Variants in EED observed in about 807,000 individuals in gnomAD.
EED encodes the protein polycomb protein EED.
A neutral mutation model predicts 61.0 loss-of-function variants in EED; 9 were observed. That is an observed-to-expected ratio of 0.15 (90% CI 0.09 to 0.26). EED has a LOEUF of 0.26. Ranked by LOEUF, EED falls within the 10% of genes least tolerant of loss-of-function variation. The pLI, the probability that EED is intolerant of heterozygous loss-of-function variation, is 1.00. For missense variants in EED, 315 were observed against 542.3 expected (o/e 0.58, Z 4.16); for synonymous variants, 187 against 174.4 (o/e 1.07, Z -0.57).
intron 4 of EED, 118 bp downstream of exon 4, chr11:86,255,405 C>G: frequency 2.5e-6 from 2 of 787,348 alleles, no homozygotes; most frequent in Non-Finnish European, 3.9e-6. Context: ...TAACCGATTT[C>G]TTCACTATCA....
chr11:86,256,352 A>G (rs999635570), intron 4 of EED, 35 bp from the exon 5 acceptor site: 4 of 1,486,734 alleles, frequency 2.7e-6, no homozygotes, highest in Non-Finnish European at 3.6e-6. Flanking sequence ...TTCTTTTTCA[A>G]AAACATTATG....
chr11:86,245,211 T>A lies in EED; in HGVS notation c.-19T>A. The A allele has an allele frequency of 6.2e-7, 1 of 1,604,182 alleles. No individual in the cohort carries two copies. ...GGCCCCGCCCCAGGCGGCAGGAACCTGGAGGGAGGCGGAGGAATATGTCCG... is the reference window on the plus strand; with the variant it reads ...GGCCCCGCCCCAGGCGGCAGGAACCAGGAGGGAGGCGGAGGAATATGTCCG... On this transcript the variant is annotated 5_prime_UTR_variant, in exon 1 of 12. Coordinates refer to ENST00000263360, the MANE Select transcript of EED (RefSeq NM_003797.5).
chr11:86,280,282 G>C (rs1042369909), downstream of EED, among the ~76,000 whole-genome samples: 26 of 152,122 alleles, frequency 1.7e-4, no homozygotes, highest in Middle Eastern at 6.8e-3. Flanking sequence ...GTAGAGGCGG[G>C]GTTTTATCAT....
chr11:86,249,830 G>A (rs116106715), intron 1 of EED, among the ~76,000 whole-genome samples: 117 of 152,282 alleles, frequency 7.7e-4, no homozygotes, highest in African/African-American at 2.4e-3. Flanking sequence ...TGCTTCAAAC[G>A]GCTCCCCAGC....
At chr11:86,250,589 T>TG (rs1945507052) in intron 2 of EED, 141 bp downstream of exon 2, 20 of 855,782 alleles carry the variant, frequency 2.3e-5, no homozygotes, top group African/African-American at 5.3e-5. Flanking sequence ...TTTTTTTTTT[T>TG]GTAGTTCAGA....
rs1945342853 is a variant in EED, at chr11:86,244,859, T to G, written c.-371T>G. ...GGAAGGGGGTGAGGGAGCATCCCTTTGAGTTTCGCCTCTTCTCGAGGCGGT... is the reference window on the plus strand; with the variant it reads ...GGAAGGGGGTGAGGGAGCATCCCTTGGAGTTTCGCCTCTTCTCGAGGCGGT... On this transcript the variant is annotated 5_prime_UTR_variant, in exon 1 of 12. Transcript: ENST00000263360. 8.2e-6 allele frequency: 2 copies of G among 244,336 alleles called. No homozygotes were observed. Among genetic ancestry groups the G allele is most frequent in the African/African-American group, 2.2e-5 (1 of 45,106 alleles). The allele number at this position is 244,336 out of a possible 1,614,324, so 15.1% of individuals were successfully genotyped here.
rs1333429329 is a variant in EED, at chr11:86,264,072, C to T, written c.635-100C>T. 2.6e-5 allele frequency: 23 copies of T among 869,182 alleles called. No homozygotes were observed. In the Admixed American group the frequency reaches 4.4e-4, roughly 17 times the overall value. The allele number at this position is 869,182 out of a possible 1,614,324, so 53.8% of individuals were successfully genotyped here. ...GATTCCATTTTTAGGCTTTACTGTG[C>T]ATAACTTACATCTAGACTTTAGTAG... On this transcript the variant is annotated intron_variant, in intron 6 of 11. Coordinates refer to ENST00000263360, the MANE Select transcript of EED (RefSeq NM_003797.5).
At chr11:86,249,711 A>C (rs977953805) in intron 1 of EED, among the ~76,000 whole-genome samples, 6 of 152,250 alleles carry the variant, frequency 3.9e-5, no homozygotes, top group African/African-American at 1.2e-4. Flanking sequence ...TAAATAGCAT[A>C]GAATATATGT....
intron 5 of EED, 25 bp downstream of exon 5, chr11:86,256,537 G>C: frequency 6.5e-7 from 1 of 1,534,384 alleles, no homozygotes; most frequent in Non-Finnish European, 8.8e-7. Context: ...TTAAATTGTA[G>C]ATCTGCTTCT....
At chr11:86,263,573 G>A (rs1241415883) in intron 6 of EED, among the ~76,000 whole-genome samples, 6 of 152,130 alleles carry the variant, frequency 3.9e-5, no homozygotes, top group African/African-American at 1.2e-4. Flanking sequence ...TTGAGACAGG[G>A]TCTTGCTATA....
intron 9 of EED, among the ~76,000 whole-genome samples, chr11:86,274,203 T>C (rs116241690): frequency 0.013 from 1,973 of 151,864 alleles, 47 homozygotes; most frequent in African/African-American, 0.046. Context: ...ATCAATTGAG[T>C]TTTTTATTTG....
chr11:86,283,421 C>G (rs976491464), downstream of EED, among the ~76,000 whole-genome samples: 1 of 152,132 alleles, frequency 6.6e-6, no homozygotes, highest in Non-Finnish European at 1.5e-5. Flanking sequence ...CAATTATCAC[C>G]TACTATACTG....
chr11:86,280,854 A>G (rs1159149081), downstream of EED, among the ~76,000 whole-genome samples: 2 of 152,130 alleles, frequency 1.3e-5, no homozygotes, highest in African/African-American at 2.4e-5. Flanking sequence ...TTCTATACCT[A>G]TTTTGTTGGG....
At position 86,244,978 on chromosome 11, in the gene EED, CGGGA is replaced by C; in HGVS notation, c.-250_-247del. ...GGAGGGCGGCGGGAAAAGGGCAAGA[CGGGA>C]GTTGGGGAAGGGAAGGAGCCAGGAA... On this transcript the variant is annotated 5_prime_UTR_variant, in exon 1 of 12. Coordinates refer to ENST00000263360, the MANE Select transcript of EED (RefSeq NM_003797.5). 1 of 419,796 alleles carries C rather than the reference CGGGA, an allele frequency of 2.4e-6. No homozygotes were observed. The highest frequency in any genetic ancestry group is 4.3e-6 in the Non-Finnish European group (1 of 234,792). 26.0% of individuals were successfully genotyped at this position (419,796 alleles called of 1,614,324 possible).
chr11:86,278,713 CT>C lies in EED; in HGVS notation c.*192del. The C allele has an allele frequency of 1.6e-6, 1 of 636,940 alleles. No homozygotes were observed. The highest frequency in any genetic ancestry group is 2.3e-6 in the Non-Finnish European group (1 of 443,838). 39.5% of individuals were successfully genotyped at this position (636,940 alleles called of 1,614,324 possible). A position where few individuals can be genotyped will look rare whatever the true frequency, so the allele number is the denominator to read the frequency against. ...CTGTCTTCCTGCTCAGACTCTACTG[CT>C]TTTAATAAAAATTTATTTTTGTAAA... On this transcript the variant is annotated 3_prime_UTR_variant, in exon 12 of 12. Transcript: ENST00000263360.
rs1044802251 is a variant in EED, at chr11:86,264,266, A to G, written c.726+3A>G. 1.9e-6 allele frequency: 3 copies of G among 1,611,512 alleles called. No individual in the cohort carries two copies. The highest frequency in any genetic ancestry group is 2.5e-6 in the Non-Finnish European group (3 of 1,177,678). On this transcript the variant is annotated splice_donor_region_variant and intron_variant, in intron 7 of 11. Transcript: ENST00000263360. ...ACAGAGATGAAGTTCTAAGTGCTGT[A>G]AGTTGGAAACTGCAGGGCAATGACT... is the stretch of plus-strand genomic sequence containing the variant.
At chr11:86,281,688 T>G (rs1946325267), downstream of EED, among the ~76,000 whole-genome samples, 2 of 152,212 alleles carry the variant, frequency 1.3e-5, no homozygotes, top group Non-Finnish European at 2.9e-5. Context: ...TTGTTCAGGC[T>G]TAGAGTTCAG....
chr11:86,255,050 A>G (rs1310243226), intron 3 of EED, among the ~76,000 whole-genome samples, 172 bp from the exon 4 acceptor site: 1 of 152,250 alleles, frequency 6.6e-6, no homozygotes, highest in African/African-American at 2.4e-5. Context: ...TCTGTGTATT[A>G]TGTAAAACAT....
At chr11:86,266,465 T>C (rs1478211320) in intron 8 of EED, among the ~76,000 whole-genome samples, 1 of 152,130 alleles carries the variant, frequency 6.6e-6, no homozygotes. Context: ...ATTTTACTTA[T>C]TTGTATTTTG....
Sources: allele counts gnomAD v4.1 joint callset (sites outside exome capture counted in the v4.1 genomes callset), GRCh38; gene constraint gnomAD v4.1.1; transcripts MANE v1.5; gene names NCBI Gene and HGNC (gene_info 2026-07-23, HGNC 2026-07-21).